The following FRMD4B variants were observed in gnomAD, a reference collection of about 807,000 sequenced individuals.
FRMD4B encodes the protein FERM domain-containing protein 4B.
Under a neutral mutation model 141.5 loss-of-function variants are expected in FRMD4B, and 74 were observed. That is an observed-to-expected ratio of 0.52 (90% CI 0.43 to 0.63). FRMD4B has a LOEUF of 0.63. Among genes scored for constraint, FRMD4B ranks in the 30% least tolerant of loss-of-function variants. The probability of loss-of-function intolerance (pLI) is 0.00; values close to 1 mark genes in which losing one functional copy is unlikely to be tolerated. For missense variants in FRMD4B, 1,366 were observed against 1,253.4 expected (o/e 1.09, Z -1.36); for synonymous variants, 506 against 467.9 (o/e 1.08, Z -1.05).
At chr3:69,339,159 T>C (rs184972629) in intron 1 of FRMD4B, among the ~76,000 whole-genome samples, 44 of 152,320 alleles carry the variant, frequency 2.9e-4, no homozygotes, top group Admixed American at 4.6e-4. Flanking sequence ...CAGTTTCCTT[T>C]CATTTCCTTT....
intron 1 of FRMD4B, among the ~76,000 whole-genome samples, chr3:69,438,130 G>T (rs1705290147): frequency 6.7e-6 from 1 of 149,046 alleles, no homozygotes; most frequent in South Asian, 2.1e-4. Context: ...TCAAGATAGG[G>T]TCTCGCCCTG....
chr3:69,502,478 T>C (rs1330079653), intron 1 of FRMD4B, among the ~76,000 whole-genome samples: 1 of 152,158 alleles, frequency 6.6e-6, no homozygotes, highest in Non-Finnish European at 1.5e-5. Context: ...TGGCTAGCCA[T>C]ATGTAGAAAG....
chr3:69,234,497 G>T (rs2093331589), intron 7 of FRMD4B, among the ~76,000 whole-genome samples: 1 of 152,096 alleles, frequency 6.6e-6, no homozygotes. Context: ...CCTTCAAATT[G>T]CCCTTTATTG....
intron 1 of FRMD4B, among the ~76,000 whole-genome samples, chr3:69,361,971 TGA>T (rs1225615849): frequency 6.6e-6 from 1 of 152,220 alleles, no homozygotes; most frequent in Non-Finnish European, 1.5e-5. Flanking sequence ...TGCCAATATA[TGA>T]GAGATCTGGT....
intron 1 of FRMD4B, among the ~76,000 whole-genome samples, chr3:69,317,678 C>A (rs964332927): frequency 6.7e-6 from 1 of 148,194 alleles, no homozygotes; most frequent in African/African-American, 2.5e-5. Context: ...TTGCTTGAAC[C>A]CAGGAGGCGG....
intron 1 of FRMD4B, chr3:69,471,735 T>A (rs78205171): frequency 6.3e-6 from 1 of 158,286 alleles, no homozygotes; most frequent in African/African-American, 2.4e-5. Context: ...GCTTGAGTAC[T>A]TTTTAGACAA....
At chr3:69,231,187 G>A (rs2093302721) in intron 7 of FRMD4B, among the ~76,000 whole-genome samples, 1 of 152,228 alleles carries the variant, frequency 6.6e-6, no homozygotes. Context: ...TGAGGAAAGA[G>A]GGAATTTTAT....
chr3:69,196,424 A>G, intron 13 of FRMD4B, 28 bp from the exon 14 acceptor site: 1 of 1,562,198 alleles, frequency 6.4e-7, no homozygotes, highest in Non-Finnish European at 8.7e-7. Flanking sequence ...ATGAAACAGA[A>G]TTAACTCAAA....
intron 1 of FRMD4B, among the ~76,000 whole-genome samples, chr3:69,486,876 T>C (rs9853354): frequency 6.6e-6 from 1 of 152,148 alleles, no homozygotes; most frequent in Non-Finnish European, 1.5e-5. Context: ...TGTGAAGATA[T>C]GCAACTCTCC....
chr3:69,268,806 T>A (rs1179528721), intron 5 of FRMD4B, among the ~76,000 whole-genome samples: 1 of 151,980 alleles, frequency 6.6e-6, no homozygotes, highest in African/African-American at 2.4e-5. Context: ...ATCTTCCATC[T>A]AATTGAACTG....
rs765911700 is a variant in FRMD4B, at chr3:69,182,623, T to C, written c.2014A>G (p.Asn672Asp). The change falls in exon 20 of 23, where the codon AAC becomes GAC. Residue 672 changes from asparagine to aspartate, a missense_variant. Physicochemically the swap from Asn to Asp is conservative, Grantham distance 23. Transcript: ENST00000398540. ...TCCAAGTGGCTGCTGCTGTAGGCGT[T>C]TCGGGTAAGAACTGGCGTGGTGGGC... ...SMPTTPVLTR[N>D]AYSSSHLEPE... The C allele has an allele frequency of 2.5e-6, 4 of 1,612,432 alleles. No individual in the cohort carries two copies. The highest frequency in any genetic ancestry group is 8.5e-7 in the Non-Finnish European group (1 of 1,179,514).
intron 1 of FRMD4B, among the ~76,000 whole-genome samples, chr3:69,445,747 TCTCATAATTCGAATTCAA>T (rs1366790308): frequency 6.6e-6 from 1 of 152,208 alleles, no homozygotes; most frequent in Non-Finnish European, 1.5e-5. Context: ...GCTGGCTCCA[TCTCATAATTCGAATTCAA>T]CTCGCATGAC....
chr3:69,377,818 T>TC (rs975129799), intron 1 of FRMD4B, among the ~76,000 whole-genome samples: 3 of 73,222 alleles, frequency 4.1e-5, no homozygotes, highest in African/African-American at 1.8e-4. Context: ...TTCTTCTTCT[T>TC]TTTTTTTTTT....
chr3:69,228,359 G>A (rs576247231), intron 7 of FRMD4B: 1 of 456,856 alleles, frequency 2.2e-6, no homozygotes, highest in Admixed American at 2.3e-5. Flanking sequence ...GGCCAAGTGA[G>A]ACAGGCATTA....
At chr3:69,201,033 A>C (rs1476155638) in intron 11 of FRMD4B, 1 of 278,942 alleles carries the variant, frequency 3.6e-6, no homozygotes. Context: ...CTGCAAGCAA[A>C]AACTCTACTT....
Position 69,224,658 on chromosome 3 carries a change from A to G in FRMD4B, c.614T>C (p.Leu205Ser). Reference sequence around the variant, plus strand: ...AAGAGTTTTGGTTGGAAAGGCTGGTAATGTCTTTAAATCTTTCCTGGCATT... The same window carrying G: ...AAGAGTTTTGGTTGGAAAGGCTGGTGATGTCTTTAAATCTTTCCTGGCATT... Reference protein sequence around the residue: ...DENARKDLKTLPAFPTKTLQE... With the variant: ...DENARKDLKTSPAFPTKTLQE... Residue 205 changes from leucine to serine, a missense_variant, in exon 8 of 23, where the codon TTA becomes TCA. Physicochemically the swap from Leu to Ser is moderately radical, Grantham distance 145. Transcript: ENST00000398540. 1 of 1,577,576 alleles carries G rather than the reference A, an allele frequency of 6.3e-7. No homozygotes were observed. Among genetic ancestry groups the G allele is most frequent in the Non-Finnish European group, 8.7e-7 (1 of 1,154,118 alleles).
chr3:69,245,839 T>TTTTG lies in FRMD4B; in HGVS notation c.581+3386_581+3387insCAAA, dbSNP rs1183538624. Among the ~76,000 whole-genome samples the TTTTG allele has an allele frequency of 4.4e-5, 6 of 136,742 alleles. No homozygotes were observed. The South Asian group carries it at 9.1e-4, about 21-fold the overall frequency. The allele number at this position is 136,742 out of a possible 152,430, so 89.7% of individuals were successfully genotyped here. A position where few individuals can be genotyped will look rare whatever the true frequency, so the allele number is the denominator to read the frequency against. On this transcript the variant is annotated intron_variant, in intron 7 of 22. Transcript: ENST00000398540. ...CGAACGTGCCAGGCTAATTTGTTTT[T>TTTTG]TTTTTTTTTTTTTTTTTGAGACAGT...
chr3:69,462,477 G>T (rs1293433279), intron 1 of FRMD4B, among the ~76,000 whole-genome samples: 1 of 152,224 alleles, frequency 6.6e-6, no homozygotes, highest in East Asian at 1.9e-4. Flanking sequence ...GACAACTTCT[G>T]GGGTAGGCCC....
At chr3:69,228,675 A>C in intron 7 of FRMD4B, 1 of 331,914 alleles carries the variant, frequency 3.0e-6, no homozygotes, top group South Asian at 2.5e-5. Flanking sequence ...TTTCTACAAG[A>C]AATTTTTAAA....
Sources: gnomAD v4.1 joint callset for allele counts (sites outside exome capture counted in the v4.1 genomes callset) on GRCh38, gnomAD v4.1.1 for gene constraint, MANE v1.5 for transcripts, NCBI Gene and HGNC (gene_info 2026-07-23, HGNC 2026-07-21) for gene names.